The following DCDC2 variants were observed in gnomAD, a reference collection of about 807,000 sequenced individuals.
The protein encoded by DCDC2 is doublecortin domain containing 2.
Under a neutral mutation model 50.2 loss-of-function variants are expected in DCDC2, and 40 were observed. The observed-to-expected ratio is 0.80, with a 90% confidence interval of 0.62 to 1.04. The LOEUF is 1.04. DCDC2 is among the 50% of genes least tolerant of loss of function. The pLI is 0.00. For synonymous variants in DCDC2, 234 were observed against 210.6 expected, an observed-to-expected ratio of 1.11 and a Z score of -0.96; for missense variants, 570 against 581.9, an observed-to-expected ratio of 0.98 and a Z score of 0.21.
At chr6:24,331,208 C>A (rs908084979) in intron 2 of DCDC2, among the ~76,000 whole-genome samples, 2 of 152,104 alleles carry the variant, frequency 1.3e-5, no homozygotes, top group Non-Finnish European at 2.9e-5. Flanking sequence ...CTCTACTCAA[C>A]CCTTTAAAGT....
chr6:24,290,055 G>A (rs368278939), intron 5 of DCDC2, among the ~76,000 whole-genome samples: 20 of 135,674 alleles, frequency 1.5e-4, no homozygotes, highest in African/African-American at 5.7e-4. Context: ...GTGCAGTGGC[G>A]GGATCTCAGC....
At chr6:24,277,035 G>A (rs941894478) in intron 7 of DCDC2, among the ~76,000 whole-genome samples, 6 of 152,064 alleles carry the variant, frequency 3.9e-5, no homozygotes, top group Non-Finnish European at 8.8e-5. Flanking sequence ...CTAGCCTCAC[G>A]TGTCTTTGTT....
chr6:24,260,130 T>C lies in DCDC2; in HGVS notation c.922+17919A>G, dbSNP rs185075233. Among the ~76,000 whole-genome samples the C allele has an allele frequency of 2.0e-4, 31 of 152,372 alleles. No individual in the cohort carries two copies. The East Asian group carries it at 4.2e-3, about 21-fold the overall frequency. Reference sequence around the variant, plus strand: ...CTACTCCTTTCTAATCCTACTGATCTTCCTTAAACTTTTTCATCATCTTCC... The same window carrying C: ...CTACTCCTTTCTAATCCTACTGATCCTCCTTAAACTTTTTCATCATCTTCC... On this transcript the variant is annotated intron_variant, in intron 7 of 9. Transcript: ENST00000378454.
the DCDC2 span, among the ~76,000 whole-genome samples, chr6:24,367,389 C>A: frequency 1.3e-5 from 2 of 152,162 alleles, no homozygotes; most frequent in South Asian, 2.1e-4. Flanking sequence ...AAATATGGAA[C>A]CTCAAAGAGT....
intron 6 of DCDC2, among the ~76,000 whole-genome samples, chr6:24,286,429 C>CA (rs1222116225): frequency 2.6e-5 from 4 of 151,982 alleles, no homozygotes; most frequent in Non-Finnish European, 4.4e-5. Flanking sequence ...TCTGTCTCCA[C>CA]AAAAAACACA....
Position 24,246,479 on chromosome 6 carries a change from C to CTTTTTTTTTTT in DCDC2, c.922+31559_922+31569dup, listed in dbSNP as rs4052666. 5.8e-4 allele frequency among the ~76,000 whole-genome samples: 41 copies of CTTTTTTTTTTT among 70,782 alleles called. 2 individuals carry two copies. The highest frequency in any genetic ancestry group is 1.1e-3 in the African/African-American group (19 of 16,546). 46.4% of individuals were successfully genotyped at this position (70,782 alleles called of 152,430 possible). A position where few individuals can be genotyped will look rare whatever the true frequency, so the allele number is the denominator to read the frequency against. Reference sequence around the variant, plus strand: ...GATAAAGACAAGTCTTTTTCTTTTTCTTTTTTTTTTTTTTTTTTTTTTTTT... The same window carrying CTTTTTTTTTTT: ...GATAAAGACAAGTCTTTTTCTTTTTCTTTTTTTTTTTTTTTTTTTTTTTTTTTTTTTTTTTT... On this transcript the variant is annotated intron_variant, in intron 7 of 9. Transcript: ENST00000378454.
chr6:24,220,895 CGAGCGAGCGAGAGAGT>C lies in DCDC2; in HGVS notation c.923-15809_923-15794del, dbSNP rs1297113195. 3.7e-3 allele frequency among the ~76,000 whole-genome samples: 428 copies of C among 117,250 alleles called. 1 individual carries two copies. Among genetic ancestry groups the C allele is most frequent in the Non-Finnish European group, 5.8e-3 (293 of 50,600 alleles). 76.9% of individuals were successfully genotyped at this position (117,250 alleles called of 152,430 possible). On this transcript the variant is annotated intron_variant, in intron 7 of 9. Coordinates refer to ENST00000378454, the MANE Select transcript of DCDC2 (RefSeq NM_016356.5). ...AAGAGAGCGAGAGCGAGAGAGTGAG[CGAGCGAGCGAGAGAGT>C]GAGCGAGCGAGCGAGAGCACATGCA...
In DCDC2 at chr6:24,197,692, TC is replaced by T. The variant is rs147661765; in HGVS notation, c.1023+7309del. On this transcript the variant is annotated intron_variant, in intron 8 of 9. Transcript: ENST00000378454. ...CTTGCAGAAAATGCCTGTGGAATCA[TC>T]AAGCAGCAATTTCACTGCTGCACTG... is the stretch of plus-strand genomic sequence containing the variant. Among the ~76,000 whole-genome samples, 694 of 152,346 alleles carry T rather than the reference TC, an allele frequency of 4.6e-3. 2 individuals are homozygous for T. Among genetic ancestry groups the T allele is most frequent in the African/African-American group, 0.016 (658 of 41,578 alleles).
At chr6:24,313,619 C>A (rs1216492204) in intron 2 of DCDC2, among the ~76,000 whole-genome samples, 1 of 152,188 alleles carries the variant, frequency 6.6e-6, no homozygotes, top group East Asian at 1.9e-4. Flanking sequence ...GCTGAGTATG[C>A]AGCGGGCAGC....
chr6:24,199,507 G>C (rs1761533505), intron 8 of DCDC2, among the ~76,000 whole-genome samples: 1 of 152,088 alleles, frequency 6.6e-6, no homozygotes, highest in Admixed American at 6.5e-5. Context: ...CCCATCAGAA[G>C]GTCAGCAACA....
chr6:24,189,529 C>T lies in DCDC2; in HGVS notation c.1024-10897G>A, dbSNP rs556340513. 2.0e-5 allele frequency among the ~76,000 whole-genome samples: 3 copies of T among 152,208 alleles called. No individual in the cohort carries two copies. The South Asian group carries it at 6.2e-4, about 32-fold the overall frequency. The stretch of plus-strand genomic sequence containing the variant: ...CGGGGAAAGCCATCTAAAGAGAGAC[C>T]ACAGCTCATGTCCAGCCCACTTTAG... On this transcript the variant is annotated intron_variant, in intron 8 of 9. Transcript: ENST00000378454.
In DCDC2 at chr6:24,172,336, G is replaced by A. The variant is rs921680721; in HGVS notation, c.*2394C>T. On this transcript the variant is annotated 3_prime_UTR_variant, in exon 10 of 10. Transcript: ENST00000378454. The stretch of plus-strand genomic sequence containing the variant: ...AAGTGGTAAAATATGCACACACAAG[G>A]GATGAATATGTCCCCATTTTTAAGT... 4 of 152,086 alleles carry A rather than the reference G, an allele frequency of 2.6e-5. No homozygotes were observed. Among genetic ancestry groups the A allele is most frequent in the African/African-American group, 9.7e-5 (4 of 41,412 alleles). The allele number at this position is 152,086 out of a possible 1,614,324, so 9.4% of individuals were successfully genotyped here.
intron 1 of DCDC2, 113 bp from the exon 2 acceptor site, chr6:24,353,736 A>C (rs1315385370): frequency 1.6e-6 from 1 of 609,108 alleles, no homozygotes; most frequent in African/African-American, 1.9e-5. Context: ...CTCAACCTTA[A>C]AGCAAAAACA....
intron 4 of DCDC2, among the ~76,000 whole-genome samples, chr6:24,297,347 G>A (rs917291271): frequency 6.6e-5 from 10 of 152,212 alleles, no homozygotes; most frequent in African/African-American, 2.4e-4. Context: ...AACAGTAAAA[G>A]TAACTATTGG....
chr6:24,199,809 A>G (rs1761544552), intron 8 of DCDC2, among the ~76,000 whole-genome samples: 1 of 152,234 alleles, frequency 6.6e-6, no homozygotes, highest in Admixed American at 6.5e-5. Flanking sequence ...CAGTTTGGAT[A>G]AGAACATAAA....
At chr6:24,246,555 CA>C (rs570621884) in intron 7 of DCDC2, among the ~76,000 whole-genome samples, 1,704 of 127,272 alleles carry the variant, frequency 0.013, 32 homozygotes, top group African/African-American at 0.046. Flanking sequence ...GGCGTGATCT[CA>C]GCTCACTACA....
chr6:24,302,876 C>T (rs1323138174), intron 2 of DCDC2, among the ~76,000 whole-genome samples: 2 of 151,958 alleles, frequency 1.3e-5, no homozygotes, highest in African/African-American at 4.8e-5. Flanking sequence ...CCTTAAAATC[C>T]CACTCCAGGC....
intron 2 of DCDC2, among the ~76,000 whole-genome samples, chr6:24,334,557 T>C (rs1224612953): frequency 1.3e-5 from 2 of 152,226 alleles, no homozygotes; most frequent in African/African-American, 2.4e-5. Flanking sequence ...ACAGTGACTA[T>C]ATGGCCTGCA....
At chr6:24,332,985 G>T (rs1320898335) in intron 2 of DCDC2, among the ~76,000 whole-genome samples, 1 of 152,138 alleles carries the variant, frequency 6.6e-6, no homozygotes, top group Non-Finnish European at 1.5e-5. Context: ...AAGGAGAAAG[G>T]CCTGATGTAT....
Sources: allele counts gnomAD v4.1 joint callset (sites outside exome capture counted in the v4.1 genomes callset), GRCh38; gene constraint gnomAD v4.1.1; transcripts MANE v1.5; gene names NCBI Gene and HGNC (gene_info 2026-07-23, HGNC 2026-07-21).